KHDRBS2: variants seen among roughly 807,000 people sequenced by gnomAD.
The protein encoded by KHDRBS2 is KH RNA binding domain containing, signal transduction associated 2, also known as KH domain-containing, RNA-binding, signal transduction-associated protein 2.
A neutral mutation model predicts 44.3 loss-of-function variants in KHDRBS2; 26 were observed. That is an observed-to-expected ratio of 0.59 (90% CI 0.43 to 0.81). KHDRBS2 has a LOEUF of 0.81. Ranked by LOEUF, KHDRBS2 falls within the 40% of genes least tolerant of loss-of-function variation. The pLI is 0.00. For missense variants in KHDRBS2, 476 were observed against 433.1 expected, an observed-to-expected ratio of 1.10 and a Z score of -0.88; for synonymous variants, 194 against 151.1, an observed-to-expected ratio of 1.28 and a Z score of -2.08.
intron 6 of KHDRBS2, among the ~76,000 whole-genome samples, chr6:61,773,469 G>A (rs1342942714): frequency 1.2e-4 from 18 of 152,006 alleles, no homozygotes; most frequent in Non-Finnish European, 1.9e-4. Context: ...CATATCCTTT[G>A]CCCACTTTTT....
At chr6:62,090,218 C>T (rs1799238512) in intron 2 of KHDRBS2, among the ~76,000 whole-genome samples, 1 of 152,154 alleles carries the variant, frequency 6.6e-6, no homozygotes, top group African/African-American at 2.4e-5. Context: ...GAAATGGCTC[C>T]TTCACCATAC....
At chr6:62,256,706 G>A (rs1837445480) in intron 1 of KHDRBS2, among the ~76,000 whole-genome samples, 1 of 152,046 alleles carries the variant, frequency 6.6e-6, no homozygotes, top group African/African-American at 2.4e-5. Flanking sequence ...CTCAAAAACT[G>A]CCAGAGGGGC....
chr6:61,735,730 T>G (rs1775220839), intron 6 of KHDRBS2, among the ~76,000 whole-genome samples: 1 of 152,186 alleles, frequency 6.6e-6, no homozygotes, highest in African/African-American at 2.4e-5. Context: ...TATGTGATAT[T>G]GTATTGTACA....
At chr6:61,810,684 G>T (rs1430859025) in intron 6 of KHDRBS2, among the ~76,000 whole-genome samples, 1 of 151,920 alleles carries the variant, frequency 6.6e-6, no homozygotes, top group African/African-American at 2.4e-5. Context: ...AATAAAGACA[G>T]CAAAAATACT....
At chr6:61,826,705 A>C (rs1790924957) in intron 6 of KHDRBS2, among the ~76,000 whole-genome samples, 1 of 152,142 alleles carries the variant, frequency 6.6e-6, no homozygotes, top group South Asian at 2.1e-4. Context: ...GAGTGTTTAA[A>C]ATAATAGGAT....
intron 1 of KHDRBS2, among the ~76,000 whole-genome samples, chr6:62,200,886 C>G (rs755959870): frequency 1.1e-4 from 16 of 150,808 alleles, no homozygotes; most frequent in Non-Finnish European, 2.1e-4. Flanking sequence ...ACATATACAC[C>G]ATGGAATACT....
At chr6:62,122,685 C>T (rs1279456624) in intron 2 of KHDRBS2, among the ~76,000 whole-genome samples, 1 of 152,166 alleles carries the variant, frequency 6.6e-6, no homozygotes, top group Admixed American at 6.5e-5. Context: ...TGTCTGCATA[C>T]GTGGCTCTGC....
intron 6 of KHDRBS2, among the ~76,000 whole-genome samples, chr6:61,789,576 T>C (rs1384437130): frequency 2.6e-5 from 4 of 151,460 alleles, no homozygotes; most frequent in African/African-American, 7.3e-5. Context: ...ACCAAATAAA[T>C]TGGAGACCTT....
chr6:61,698,382 T>C (rs1222310741), intron 7 of KHDRBS2, among the ~76,000 whole-genome samples: 2 of 152,162 alleles, frequency 1.3e-5, no homozygotes, highest in Non-Finnish European at 2.9e-5. Flanking sequence ...TAATGTTCTA[T>C]CTAATAGCAA....
chr6:61,746,386 T>G (rs2127566399), intron 6 of KHDRBS2, among the ~76,000 whole-genome samples: 1 of 152,264 alleles, frequency 6.6e-6, no homozygotes, highest in Admixed American at 6.5e-5. Context: ...CAACTCCCAC[T>G]TATGAGTGAG....
chr6:61,834,809 C>T (rs778299985), intron 6 of KHDRBS2, among the ~76,000 whole-genome samples: 43 of 151,914 alleles, frequency 2.8e-4, no homozygotes, highest in Non-Finnish European at 1.3e-4. Flanking sequence ...AGAGAAAGTA[C>T]AAGTCTATGT....
chr6:61,674,432 A>G, the KHDRBS2 span, among the ~76,000 whole-genome samples: 10 of 151,824 alleles, frequency 6.6e-5, no homozygotes, highest in Middle Eastern at 3.4e-3. Flanking sequence ...TTTGCTATAC[A>G]TCTTAGCAGT....
At chr6:61,570,337 A>G in the KHDRBS2 span, among the ~76,000 whole-genome samples, 2 of 152,090 alleles carry the variant, frequency 1.3e-5, no homozygotes, top group Admixed American at 6.5e-5. Context: ...GCTCAAAGAC[A>G]AGGTTTTTAA....
At chr6:61,788,719 A>G (rs1784194087) in intron 6 of KHDRBS2, among the ~76,000 whole-genome samples, 1 of 151,322 alleles carries the variant, frequency 6.6e-6, no homozygotes, top group Non-Finnish European at 1.5e-5. Flanking sequence ...AATGCTGATT[A>G]TAGGAGAATA....
At chr6:62,150,936 G>A (rs1188342414) in intron 2 of KHDRBS2, among the ~76,000 whole-genome samples, 1 of 152,108 alleles carries the variant, frequency 6.6e-6, no homozygotes, top group Non-Finnish European at 1.5e-5. Flanking sequence ...TATAATTCAT[G>A]TTTGATCTTA....
intron 2 of KHDRBS2, among the ~76,000 whole-genome samples, chr6:62,095,955 T>C (rs1800508128): frequency 6.6e-6 from 1 of 152,014 alleles, no homozygotes; most frequent in Non-Finnish European, 1.5e-5. Context: ...CAAATGTTTT[T>C]TTATTCATCT....
At chr6:61,627,409 T>C in the KHDRBS2 span, among the ~76,000 whole-genome samples, 9 of 152,326 alleles carry the variant, frequency 5.9e-5, no homozygotes, top group East Asian at 1.7e-3. Flanking sequence ...GCTAATGAGA[T>C]GATTCATGGA....
chr6:61,804,939 G>T (rs1317961711), intron 6 of KHDRBS2, among the ~76,000 whole-genome samples: 4 of 152,058 alleles, frequency 2.6e-5, no homozygotes, highest in Non-Finnish European at 4.4e-5. Flanking sequence ...TTAACATTTG[G>T]CTCCTCATCC....
chr6:61,957,493 T>C (rs1331844158), intron 4 of KHDRBS2, among the ~76,000 whole-genome samples: 1 of 146,586 alleles, frequency 6.8e-6, no homozygotes, highest in Non-Finnish European at 1.5e-5. Flanking sequence ...GGGAGGTCTC[T>C]AAAATGGCTG....
Sources: allele counts gnomAD v4.1 joint callset (sites outside exome capture counted in the v4.1 genomes callset), GRCh38; gene constraint gnomAD v4.1.1; transcripts MANE v1.5; gene names NCBI Gene and HGNC (gene_info 2026-07-23, HGNC 2026-07-21).